The following ROBO2 variants were observed in gnomAD, a reference collection of about 807,000 sequenced individuals.
ROBO2 encodes roundabout guidance receptor 2.
ROBO2 carries 53 observed loss-of-function variants against 160.8 expected under a neutral mutation model. The ratio of observed to expected loss-of-function variants is 0.33; its 90% CI spans 0.26 to 0.41. The LOEUF (loss-of-function observed/expected upper bound fraction) is 0.41, where lower values mean the gene tolerates loss of function less well. ROBO2 is among the 10% of genes least tolerant of loss of function. The pLI is 1.00. For synonymous variants in ROBO2, 664 were observed against 611.7 expected (o/e 1.09, Z -1.26); for missense variants, 1,577 against 1,722.4 (o/e 0.92, Z 1.49).
At chr3:76,066,993 C>T (rs915282937) in intron 2 of ROBO2, among the ~76,000 whole-genome samples, 8 of 152,068 alleles carry the variant, frequency 5.3e-5, no homozygotes, top group South Asian at 2.1e-4. Flanking sequence ...TTAGCTCTTT[C>T]GAAACAAAGA....
At chr3:76,425,406 T>G (rs532519591) in intron 2 of ROBO2, among the ~76,000 whole-genome samples, 7 of 152,118 alleles carry the variant, frequency 4.6e-5, no homozygotes, top group African/African-American at 1.7e-4. Context: ...ACCTATACTT[T>G]CCTCTCATAA....
At chr3:76,570,336 G>C (rs566820027) in intron 2 of ROBO2, among the ~76,000 whole-genome samples, 33 of 152,248 alleles carry the variant, frequency 2.2e-4, no homozygotes, top group Admixed American at 2.0e-3. Context: ...TGCATCTGTG[G>C]CATACTTAAA....
At chr3:75,940,882 A>G (rs80181672) in intron 2 of ROBO2, among the ~76,000 whole-genome samples, 2 of 152,032 alleles carry the variant, frequency 1.3e-5, no homozygotes, top group African/African-American at 4.8e-5. Context: ...AGAAAACCCA[A>G]CTCATTTACA....
intron 17 of ROBO2, among the ~76,000 whole-genome samples, chr3:77,592,874 T>G (rs1434649469): frequency 6.6e-6 from 1 of 152,030 alleles, no homozygotes; most frequent in Non-Finnish European, 1.5e-5. Flanking sequence ...TTTTATAGGG[T>G]TTTCAGTGTT....
At chr3:76,323,175 A>ACACACACACACC (rs752990413) in intron 2 of ROBO2, among the ~76,000 whole-genome samples, 87 of 145,710 alleles carry the variant, frequency 6.0e-4, no homozygotes, top group Non-Finnish European at 7.7e-4. Context: ...ACACACACAC[A>ACACACACACACC]CCCCTAAAGG....
At chr3:76,314,916 AT>A (rs1559750434) in intron 2 of ROBO2, among the ~76,000 whole-genome samples, 1 of 152,080 alleles carries the variant, frequency 6.6e-6, no homozygotes, top group Non-Finnish European at 1.5e-5. Flanking sequence ...AATCATATCT[AT>A]TTCTGCTATT....
chr3:76,647,017 G>C (rs1010944874), intron 2 of ROBO2, among the ~76,000 whole-genome samples: 1 of 152,114 alleles, frequency 6.6e-6, no homozygotes, highest in South Asian at 2.1e-4. Context: ...CCTCAGAAAA[G>C]GGCACACGCT....
chr3:77,545,132 T>A (rs2153647887), intron 6 of ROBO2, among the ~76,000 whole-genome samples: 1 of 152,248 alleles, frequency 6.6e-6, no homozygotes, highest in African/African-American at 2.4e-5. Flanking sequence ...CAATCCATGC[T>A]ACATTCATCA....
At chr3:76,859,404 G>T (rs1028203865) in intron 2 of ROBO2, among the ~76,000 whole-genome samples, 1 of 152,094 alleles carries the variant, frequency 6.6e-6, no homozygotes. Flanking sequence ...TGGAGATGCG[G>T]GTGCTAAAGG....
At chr3:76,992,325 CTATATATA>C (rs10530833) in intron 2 of ROBO2, among the ~76,000 whole-genome samples, 1,330 of 46,748 alleles carry the variant, frequency 0.028, 18 homozygotes, top group African/African-American at 0.049. Flanking sequence ...CCATGTATTA[CTATATATA>C]TATATATATA....
intron 2 of ROBO2, among the ~76,000 whole-genome samples, chr3:77,438,987 G>T (rs1281005349): frequency 2.0e-5 from 3 of 151,942 alleles, no homozygotes; most frequent in Non-Finnish European, 4.4e-5. Flanking sequence ...TAAACTAAAA[G>T]AAATCTCACT....
intron 20 of ROBO2, among the ~76,000 whole-genome samples, chr3:77,604,194 T>C (rs927422619): frequency 1.3e-5 from 2 of 152,216 alleles, no homozygotes; most frequent in Non-Finnish European, 2.9e-5. Context: ...TTTAAACATC[T>C]GTTATGAATT....
At chr3:77,472,664 A>T (rs2083475133) in intron 2 of ROBO2, among the ~76,000 whole-genome samples, 1 of 152,084 alleles carries the variant, frequency 6.6e-6, no homozygotes, top group Non-Finnish European at 1.5e-5. Context: ...TCTAACTTAG[A>T]TCTGAAAGCA....
rs201221536 is a variant in ROBO2, at chr3:77,562,134, AC to A, written c.1438-516del. On this transcript the variant is annotated intron_variant, in intron 9 of 25. Transcript: ENST00000461745. ...AAAAAAAAAGTTCTTTTTCTTCTTCACTTTTTTCCATGTCTTTCAAAAGAAA... is the reference window on the plus strand; with the variant it reads ...AAAAAAAAAGTTCTTTTTCTTCTTCATTTTTTCCATGTCTTTCAAAAGAAA... Among the ~76,000 whole-genome samples the A allele has an allele frequency of 7.2e-3, 1,103 of 152,158 alleles. 8 individuals are homozygous for A. Among genetic ancestry groups the A allele is most frequent in the African/African-American group, 0.025 (1,043 of 41,516 alleles).
chr3:77,076,096 A>AT (rs1578755352), intron 1 of ROBO2, among the ~76,000 whole-genome samples: 1 of 152,148 alleles, frequency 6.6e-6, no homozygotes, highest in East Asian at 1.9e-4. Context: ...CACAAAGGAG[A>AT]TATTAATAGT....
At chr3:77,531,254 G>A (rs1480206482) in intron 6 of ROBO2, among the ~76,000 whole-genome samples, 1 of 151,980 alleles carries the variant, frequency 6.6e-6, no homozygotes, top group African/African-American at 2.4e-5. Flanking sequence ...TGACCCAAAA[G>A]TATGCTTCCT....
intron 2 of ROBO2, among the ~76,000 whole-genome samples, chr3:76,158,699 T>G (rs1242944271): frequency 6.6e-6 from 1 of 152,116 alleles, no homozygotes; most frequent in Non-Finnish European, 1.5e-5. Flanking sequence ...TAGCCCTGCA[T>G]TGTCCCGCTT....
intron 2 of ROBO2, among the ~76,000 whole-genome samples, chr3:76,946,179 G>T (rs538795946): frequency 6.6e-6 from 1 of 152,270 alleles, no homozygotes; most frequent in Non-Finnish European, 1.5e-5. Context: ...GTAAAACAAA[G>T]TTCTGAGTAG....
intron 16 of ROBO2, 36 bp downstream of exon 17, chr3:77,580,154 C>A: frequency 6.2e-7 from 1 of 1,601,726 alleles, no homozygotes; most frequent in Non-Finnish European, 8.6e-7. Flanking sequence ...GCTTTAGAAT[C>A]AGTCAGCTGA....
Sources: allele counts gnomAD v4.1 joint callset (sites outside exome capture counted in the v4.1 genomes callset), GRCh38; gene constraint gnomAD v4.1.1; transcripts MANE v1.5; gene names NCBI Gene and HGNC (gene_info 2026-07-23, HGNC 2026-07-21).